HIF1A: variants seen among roughly 807,000 people sequenced by gnomAD.
HIF1A encodes hypoxia-inducible factor 1-alpha.
HIF1A carries 24 observed loss-of-function variants against 92.7 expected under a neutral mutation model. That is an observed-to-expected ratio of 0.26 (90% CI 0.19 to 0.36). HIF1A has a LOEUF of 0.36. Among genes scored for constraint, HIF1A ranks in the 10% least tolerant of loss-of-function variants. The probability of loss-of-function intolerance (pLI) is 1.00; values close to 1 mark genes in which losing one functional copy is unlikely to be tolerated. For missense variants in HIF1A, 799 were observed against 998.5 expected (o/e 0.80, Z 2.69); for synonymous variants, 319 against 338.7 (o/e 0.94, Z 0.64).
intron 12 of HIF1A, among the ~76,000 whole-genome samples, chr14:61,744,454 A>G (rs1022352013): frequency 2.7e-5 from 4 of 150,862 alleles, no homozygotes. Flanking sequence ...GCTTGGTTGC[A>G]GTAAGCAGAG....
At chr14:61,711,899 C>T (rs1040106020) in intron 1 of HIF1A, among the ~76,000 whole-genome samples, 5 of 152,118 alleles carry the variant, frequency 3.3e-5, no homozygotes, top group African/African-American at 1.2e-4. Flanking sequence ...AACTAGTGAT[C>T]GAATCTCAAC....
At chr14:61,733,775 T>C (rs764342037) in intron 7 of HIF1A, among the ~76,000 whole-genome samples, 3 of 152,216 alleles carry the variant, frequency 2.0e-5, no homozygotes, top group Non-Finnish European at 2.9e-5. Flanking sequence ...CTGGAAACCA[T>C]AGTCAGAATT....
chr14:61,732,771 AATATTATAGAGTAT>A (rs1448016210), intron 7 of HIF1A, among the ~76,000 whole-genome samples: 3 of 152,236 alleles, frequency 2.0e-5, no homozygotes, highest in Non-Finnish European at 2.9e-5. Context: ...TGAAAATCCA[AATATTATAGAGTAT>A]TGAATAGCAT....
At chr14:61,732,782 G>A (rs1245497350) in intron 7 of HIF1A, among the ~76,000 whole-genome samples, 1 of 152,138 alleles carries the variant, frequency 6.6e-6, no homozygotes, top group South Asian at 2.1e-4. Context: ...ATATTATAGA[G>A]TATTGAATAG....
At chr14:61,713,587 C>T (rs1594864330) in intron 1 of HIF1A, among the ~76,000 whole-genome samples, 2 of 152,304 alleles carry the variant, frequency 1.3e-5, no homozygotes, top group East Asian at 3.9e-4. Flanking sequence ...TTCTACTTCT[C>T]ACTATATTTC....
At chr14:61,734,696 T>G (rs2044615855) in intron 8 of HIF1A, among the ~76,000 whole-genome samples, 1 of 151,790 alleles carries the variant, frequency 6.6e-6, no homozygotes, top group Non-Finnish European at 1.5e-5. Flanking sequence ...GTCTCTTCAT[T>G]TTTCTGAATT....
At chr14:61,699,676 AATGTGATGTTGG>A (rs1388760706) in intron 1 of HIF1A, among the ~76,000 whole-genome samples, 1 of 152,138 alleles carries the variant, frequency 6.6e-6, no homozygotes, top group Non-Finnish European at 1.5e-5. Context: ...TCTAAATTTA[AATGTGATGTTGG>A]ATGAGTTTCC....
chr14:61,720,602 C>T (rs1214431887), intron 2 of HIF1A, 30 bp downstream of exon 2: 1 of 1,364,384 alleles, frequency 7.3e-7, no homozygotes, highest in South Asian at 1.4e-5. Flanking sequence ...TATAAATAGG[C>T]CTGAAAATTA....
At position 61,695,540 on chromosome 14, in the gene HIF1A, G is replaced by T. The variant is rs117037524; in HGVS notation, c.-265G>T. On this transcript the variant is annotated 5_prime_UTR_variant, in exon 1 of 15. Coordinates refer to ENST00000337138, the MANE Select transcript of HIF1A (RefSeq NM_001530.4). ...TGCACAGTGCTGCCTCGTCTGAGGG[G>T]ACAGGAGGATCACCCTCTTCGTCGC... 519 of 569,398 alleles carry T rather than the reference G, an allele frequency of 9.1e-4. 5 individuals are homozygous for T. The East Asian group carries it at 0.015, about 16-fold the overall frequency. The allele number at this position is 569,398 out of a possible 1,614,324, so 35.3% of individuals were successfully genotyped here. A position where few individuals can be genotyped will look rare whatever the true frequency, so the allele number is the denominator to read the frequency against.
At chr14:61,726,022 G>T (rs1364154828) in intron 4 of HIF1A, among the ~76,000 whole-genome samples, 2 of 151,520 alleles carry the variant, frequency 1.3e-5, no homozygotes, top group South Asian at 2.1e-4. Flanking sequence ...GTTTCACCAT[G>T]TTGGCCAGGC....
In HIF1A at chr14:61,740,850, C is replaced by T; in HGVS notation, c.1755C>T (p.Ser585=). The T allele has an allele frequency of 6.2e-7, 1 of 1,614,114 alleles. No homozygotes were observed. The highest frequency in any genetic ancestry group is 8.5e-7 in the Non-Finnish European group (1 of 1,179,960). Residue 585 remains serine (S), a synonymous_variant, in exon 12 of 15, where the codon AGC becomes AGT. Coordinates refer to ENST00000337138, the MANE Select transcript of HIF1A (RefSeq NM_001530.4). The part of the protein sequence containing the change: ...RSFDQLSPLE[S]SSASPESASP... ...TCGATCAGTTGTCACCATTAGAAAGCAGTTCCGCAAGCCCTGAAAGCGCAA... is the reference window on the plus strand; with the variant it reads ...TCGATCAGTTGTCACCATTAGAAAGTAGTTCCGCAAGCCCTGAAAGCGCAA...
At chr14:61,708,423 T>G (rs1047621002) in intron 1 of HIF1A, among the ~76,000 whole-genome samples, 3 of 152,234 alleles carry the variant, frequency 2.0e-5, no homozygotes, top group Admixed American at 2.0e-4. Flanking sequence ...ATTCTACGGT[T>G]TTTATGGTTT....
chr14:61,744,888 TGTGTG>T, intron 13 of HIF1A, 75 bp downstream of exon 13: 1 of 637,750 alleles, frequency 1.6e-6, no homozygotes, highest in South Asian at 2.1e-5. Context: ...TGTGTGTGTG[TGTGTG>T]TTTCCACGTT....
chr14:61,704,591 A>T (rs2044215866), intron 1 of HIF1A, among the ~76,000 whole-genome samples: 1 of 152,204 alleles, frequency 6.6e-6, no homozygotes, highest in Non-Finnish European at 1.5e-5. Context: ...TGTAGCTAAC[A>T]TAGTTAAAAT....
At chr14:61,724,349 T>TTCCCTCTCTCTCTC (rs2044472579) in intron 4 of HIF1A, among the ~76,000 whole-genome samples, 1 of 96,096 alleles carries the variant, frequency 1.0e-5, no homozygotes, top group Non-Finnish European at 2.1e-5. Context: ...CACACACACA[T>TTCCCTCTCTCTCTC]TCTCTCTCTC....
chr14:61,697,231 A>G (rs1316662384), intron 1 of HIF1A, among the ~76,000 whole-genome samples: 2 of 152,204 alleles, frequency 1.3e-5, no homozygotes, highest in Middle Eastern at 3.2e-3. Context: ...ACAGCAGAGA[A>G]GGTCACTTAT....
In HIF1A at chr14:61,721,633, C is replaced by T. The variant is rs1391514878; in HGVS notation, c.351C>T (p.Asn117=). ...GDMIYISDNV[N]KYMGLTQFEL... is the part of the protein sequence containing the mutation. The stretch of plus-strand genomic sequence containing the variant: ...TGATTTACATTTCTGATAATGTGAA[C>T]AAATACATGGGATTAACTCAGGTAA... The change falls in exon 3 of 15, where the codon AAC becomes AAT. Residue 117 remains asparagine (N), a synonymous_variant. Transcript: ENST00000337138. The T allele has an allele frequency of 1.9e-6, 3 of 1,612,944 alleles. 1 individual carries two copies. In the South Asian group the frequency reaches 3.3e-5, roughly 18 times the overall value.
intron 6 of HIF1A, among the ~76,000 whole-genome samples, chr14:61,731,629 A>G (rs538971547): frequency 6.6e-6 from 1 of 152,318 alleles, no homozygotes; most frequent in East Asian, 1.9e-4. Context: ...ATGGCTATTG[A>G]TCTCTCAAAG....
At chr14:61,746,761 A>G (rs1026845260) in intron 14 of HIF1A, among the ~76,000 whole-genome samples, 173 bp from the exon 15 acceptor site, 9 of 152,196 alleles carry the variant, frequency 5.9e-5, no homozygotes, top group Admixed American at 3.3e-4. Context: ...TGACACAGCA[A>G]CAGTATCACT....
Sources: gnomAD v4.1 joint callset for allele counts (sites outside exome capture counted in the v4.1 genomes callset) on GRCh38, gnomAD v4.1.1 for gene constraint, MANE v1.5 for transcripts, NCBI Gene and HGNC (gene_info 2026-07-23, HGNC 2026-07-21) for gene names.